PRKDC: variants seen among roughly 807,000 people sequenced by gnomAD.
PRKDC encodes DNA-dependent protein kinase catalytic subunit.
A neutral mutation model predicts 486.9 loss-of-function variants in PRKDC; 82 were observed. The ratio of observed to expected loss-of-function variants is 0.17; its 90% CI spans 0.14 to 0.20. The LOEUF (loss-of-function observed/expected upper bound fraction) is 0.20. Ranked by LOEUF, PRKDC falls within the 10% of genes least tolerant of loss-of-function variation. PRKDC has a pLI of 1.00. For missense variants in PRKDC, 4,504 were observed against 5,038.2 expected (o/e 0.89, Z 3.21); for synonymous variants, 1,895 against 1,837.0 (o/e 1.03, Z -0.81).
At position 47,935,987 on chromosome 8, in the gene PRKDC, G is replaced by C. The variant is rs8178023; in HGVS notation, c.1279-87C>G. 4,611 of 1,255,288 alleles carry C rather than the reference G, an allele frequency of 3.7e-3. 38 individuals are homozygous for C. Among genetic ancestry groups the C allele is most frequent in the South Asian group, 0.026 (1,588 of 61,796 alleles). 77.8% of individuals were successfully genotyped at this position (1,255,288 alleles called of 1,614,324 possible). A position where few individuals can be genotyped will look rare whatever the true frequency, so the allele number is the denominator to read the frequency against. ...ACAAATATTCAAAGTAATTACAACT[G>C]AATTAGATACTTATTAAAAGAAAAA... is the stretch of plus-strand genomic sequence containing the variant. On this transcript the variant is annotated intron_variant, in intron 12 of 85. Coordinates refer to ENST00000314191, the MANE Select transcript of PRKDC (RefSeq NM_006904.7).
In PRKDC at chr8:47,940,917, G is replaced by T. The variant is rs551861222; in HGVS notation, c.967-1220C>A. Among the ~76,000 whole-genome samples the T allele has an allele frequency of 2.8e-4, 42 of 152,290 alleles. No individual in the cohort carries two copies. The South Asian group carries it at 7.9e-3, about 29-fold the overall frequency. ...CCAGCCCTTTGGGAGGCCAAGAAGG[G>T]TGGATGACCTGAGGTCAGCCTGGCC... On this transcript the variant is annotated intron_variant, in intron 10 of 85. Coordinates refer to ENST00000314191, the MANE Select transcript of PRKDC (RefSeq NM_006904.7).
Position 47,834,235 on chromosome 8 carries a change from G to C in PRKDC, c.8113C>G (p.Leu2705Val). The stretch of plus-strand genomic sequence containing the variant: ...TCCACCTCGTCCCCTGGAAGGCCCA[G>C]CCTTTTTTTCCCAAAATCAGGCCCC... ...SVGPDFGKKR[L>V]GLPGDEVDNK... The change falls in exon 59 of 86, where the codon CTG becomes GTG. Residue 2705 changes from leucine to valine, a missense_variant. Around this residue, in one of 6 missense-constraint regions of PRKDC, gnomAD observed 1,592 missense variants for 1,724.6 expected, o/e 0.92. Coordinates refer to ENST00000314191, the MANE Select transcript of PRKDC (RefSeq NM_006904.7). 6.2e-7 allele frequency: 1 copy of C among 1,614,010 alleles called. No individual in the cohort carries two copies. The highest frequency in any genetic ancestry group is 8.5e-7 in the Non-Finnish European group (1 of 1,179,882).
At chr8:47,875,351 T>C (rs908814138) in intron 40 of PRKDC, among the ~76,000 whole-genome samples, 1 of 152,250 alleles carries the variant, frequency 6.6e-6, no homozygotes, top group African/African-American at 2.4e-5. Context: ...CCTTTATTTT[T>C]GGCTAGCCTA....
intron 55 of PRKDC, 111 bp from the exon 56 acceptor site, chr8:47,839,357 T>A (rs2088094011): frequency 2.6e-6 from 2 of 757,538 alleles, no homozygotes; most frequent in Admixed American, 4.3e-5. Flanking sequence ...GTTTTCCCAT[T>A]AGACTTTAGA....
chr8:47,958,533 T>C (rs143632515), intron 1 of PRKDC, among the ~76,000 whole-genome samples: 141 of 152,174 alleles, frequency 9.3e-4, no homozygotes, highest in African/African-American at 3.3e-3. Flanking sequence ...ATCTCTCAAG[T>C]GAAAGGAGAT....
chr8:47,854,249 G>A (rs370074916), intron 50 of PRKDC, 35 bp from the exon 51 acceptor site: 103 of 1,604,230 alleles, frequency 6.4e-5, no homozygotes, highest in South Asian at 2.4e-4. Context: ...AATTGAGACT[G>A]TTGCATAATC....
intron 7 of PRKDC, among the ~76,000 whole-genome samples, chr8:47,945,637 T>C (rs987714847): frequency 1.3e-5 from 2 of 152,360 alleles, no homozygotes; most frequent in Admixed American, 1.3e-4. Context: ...ATATTTTGCT[T>C]ATCCATTCAT....
chr8:47,936,557 C>A, intron 11 of PRKDC, 40 bp from the exon 12 acceptor site: 2 of 1,603,662 alleles, frequency 1.2e-6, no homozygotes, highest in African/African-American at 1.3e-5. Context: ...TCAATCTTAT[C>A]AAGATCAAAA....
In PRKDC at chr8:47,943,257, T is replaced by C. The variant is rs2090475296; in HGVS notation, c.918A>G (p.Val306=). 3 of 1,613,340 alleles carry C rather than the reference T, an allele frequency of 1.9e-6. No homozygotes were observed. The highest frequency in any genetic ancestry group is 2.5e-6 in the Non-Finnish European group (3 of 1,179,632). ...CTGAAAGTGCAGCTTTTTTCAATTCTACATTTGTGTGGGCACACCACTTTA... is the reference window on the plus strand; with the variant it reads ...CTGAAAGTGCAGCTTTTTTCAATTCCACATTTGTGTGGGCACACCACTTTA... The part of the protein sequence containing the change: ...VLLKWCAHTN[V]ELKKAALSAL... The change falls in exon 10 of 86, where the codon GTA becomes GTG. Residue 306 remains valine, a synonymous_variant. Transcript: ENST00000314191.
In PRKDC at chr8:47,881,389, CA is replaced by C. The variant is rs777970057; in HGVS notation, c.5067+26del. 4.7e-6 allele frequency: 6 copies of C among 1,284,648 alleles called. No individual in the cohort carries two copies. The Admixed American group carries it at 6.7e-5, about 14-fold the overall frequency. The allele number at this position is 1,284,648 out of a possible 1,614,324, so 79.6% of individuals were successfully genotyped here. A position where few individuals can be genotyped will look rare whatever the true frequency, so the allele number is the denominator to read the frequency against. On this transcript the variant is annotated intron_variant, in intron 38 of 85. Transcript: ENST00000314191. ...TACGAAAACAGAAGAGAATGTAATCCAAAAAAATAAATATTTCACTGTTTAC... is the reference window on the plus strand; with the variant it reads ...TACGAAAACAGAAGAGAATGTAATCCAAAAAATAAATATTTCACTGTTTAC...
At chr8:47,870,720 C>G (rs1439000799) in intron 40 of PRKDC, among the ~76,000 whole-genome samples, 1 of 152,156 alleles carries the variant, frequency 6.6e-6, no homozygotes, top group Non-Finnish European at 1.5e-5. Flanking sequence ...CATGACTTCA[C>G]CAAATCAACT....
Position 47,898,581 on chromosome 8 carries a change from TAC to T in PRKDC, c.3365-14_3365-13del, listed in dbSNP as rs1486254424. On this transcript the variant is annotated splice_polypyrimidine_tract_variant and intron_variant, in intron 28 of 85. Coordinates refer to ENST00000314191, the MANE Select transcript of PRKDC (RefSeq NM_006904.7). ...CTGTTGAATTGTACCTGTTCTCAAG[TAC>T]AGAGACATATTTCCAAAGAAGGCAT... The T allele has an allele frequency of 7.4e-7, 1 of 1,343,602 alleles. No individual in the cohort carries two copies. The highest frequency in any genetic ancestry group is 2.2e-5 in the South Asian group (1 of 45,180). The allele number at this position is 1,343,602 out of a possible 1,614,324, so 83.2% of individuals were successfully genotyped here.
chr8:47,793,586 G>A (rs1264412992), intron 74 of PRKDC, among the ~76,000 whole-genome samples: 1 of 147,262 alleles, frequency 6.8e-6, no homozygotes, highest in Non-Finnish European at 1.5e-5. Context: ...GGTTGCAGCC[G>A]AGATTGCACT....
chr8:47,932,044 C>A (rs188618590), intron 16 of PRKDC, among the ~76,000 whole-genome samples: 5 of 152,056 alleles, frequency 3.3e-5, no homozygotes, highest in Admixed American at 6.6e-5. Context: ...GTGCCCGCCA[C>A]CACGCCCGGC....
intron 54 of PRKDC, among the ~76,000 whole-genome samples, chr8:47,844,833 A>C (rs2088231584): frequency 6.6e-6 from 1 of 152,178 alleles, no homozygotes; most frequent in South Asian, 2.1e-4. Context: ...AATTTTTTTC[A>C]ATTAAGGAAA....
Position 47,800,928 on chromosome 8 carries a change from G to A in PRKDC, c.9981C>T (p.Asn3327=), listed in dbSNP as rs559743703. 1.2e-6 allele frequency: 2 copies of A among 1,613,984 alleles called. No homozygotes were observed. Among genetic ancestry groups the A allele is most frequent in the South Asian group, 2.2e-5 (2 of 91,060 alleles). ...SKNILAFRDQ[N]ILLGTTYRII... ...TCCTGTAAGTTGTACCCAAGAGAATGTTCTGGTCACGGAAAGCCAGAATAT... is the reference window on the plus strand; with the variant it reads ...TCCTGTAAGTTGTACCCAAGAGAATATTCTGGTCACGGAAAGCCAGAATAT... The change falls in exon 71 of 86, where the codon AAC becomes AAT. Residue 3327 remains asparagine, a synonymous_variant. Coordinates refer to ENST00000314191, the MANE Select transcript of PRKDC (RefSeq NM_006904.7).
intron 34 of PRKDC, 71 bp from the exon 35 acceptor site, chr8:47,887,776 C>A: frequency 6.9e-7 from 1 of 1,457,094 alleles, no homozygotes; most frequent in Non-Finnish European, 9.1e-7. Context: ...TCACTCCTCT[C>A]ATTAAATAAA....
Position 47,944,071 on chromosome 8 carries a change from G to GTA in PRKDC, c.722-44_722-43dup, listed in dbSNP as rs749762948. On this transcript the variant is annotated intron_variant, in intron 7 of 85. Transcript: ENST00000314191. ...AAGCCTGTTACAAATCGTAATAACA[G>GTA]TATCACATAACACACTTTACAGACA... is the stretch of plus-strand genomic sequence containing the variant. 5.0e-5 allele frequency: 73 copies of GTA among 1,469,408 alleles called. No homozygotes were observed. In the South Asian group the frequency reaches 8.4e-4, roughly 17 times the overall value. 91.0% of individuals were successfully genotyped at this position (1,469,408 alleles called of 1,614,324 possible).
In PRKDC at chr8:47,943,884, C is replaced by G; in HGVS notation, c.778-1G>C. On this transcript the variant is annotated splice_acceptor_variant, in intron 8 of 85. Coordinates refer to ENST00000314191, the MANE Select transcript of PRKDC (RefSeq NM_006904.7). LOFTEE classifies it high-confidence loss of function. The stretch of plus-strand genomic sequence containing the variant: ...GCACAGCATATCTCTTCAGATCAAT[C>G]TATTTTAGAAAAGAAAAATTCACCA... The G allele has an allele frequency of 6.3e-7, 1 of 1,592,640 alleles. No individual in the cohort carries two copies. The highest frequency in any genetic ancestry group is 8.6e-7 in the Non-Finnish European group (1 of 1,167,290).
Sources: gnomAD v4.1 joint callset for allele counts (sites outside exome capture counted in the v4.1 genomes callset) on GRCh38, gnomAD v4.1.1 for gene constraint, gnomAD v4.1.1 regional missense constraint, MANE v1.5 for transcripts, NCBI Gene and HGNC (gene_info 2026-07-23, HGNC 2026-07-21) for gene names.